Variants in AGAP1 observed in about 807,000 individuals in gnomAD.
AGAP1 encodes the protein ArfGAP with GTPase domain, ankyrin repeat and PH domain 1.
A neutral mutation model predicts 105.3 loss-of-function variants in AGAP1; 29 were observed. The ratio of observed to expected loss-of-function variants is 0.28; its 90% CI spans 0.21 to 0.38. AGAP1 has a LOEUF of 0.38. AGAP1 is among the 10% of genes least tolerant of loss of function. The pLI is 1.00. For synonymous variants in AGAP1, 509 were observed against 485.9 expected (o/e 1.05, Z -0.63); for missense variants, 998 against 1,165.1 (o/e 0.86, Z 2.09).
Position 235,709,015 on chromosome 2 carries a change from C to T in AGAP1, c.164-164C>T, listed in dbSNP as rs116127743. ...TCCCCACTGGCATCTAGCTGAGTGT[C>T]GTGAACTGGGACAAACTGATCTTTC... On this transcript the variant is annotated intron_variant, in intron 1 of 17. Coordinates refer to ENST00000304032, the MANE Select transcript of AGAP1 (RefSeq NM_001037131.3). Among the ~76,000 whole-genome samples the T allele has an allele frequency of 4.1e-3, 628 of 152,282 alleles. 5 individuals carry two copies. Among genetic ancestry groups the T allele is most frequent in the African/African-American group, 0.014 (561 of 41,548 alleles).
intron 9 of AGAP1, among the ~76,000 whole-genome samples, chr2:235,811,686 A>G (rs954497852): frequency 1.3e-5 from 2 of 152,228 alleles, no homozygotes; most frequent in African/African-American, 2.4e-5. Flanking sequence ...ACCTCAGGCC[A>G]TGGGGACGAC....
chr2:236,065,100 ACAG>A (rs1439339294), intron 16 of AGAP1, among the ~76,000 whole-genome samples: 1 of 152,244 alleles, frequency 6.6e-6, no homozygotes, highest in Non-Finnish European at 1.5e-5. Flanking sequence ...ATACAGACAG[ACAG>A]CAGCTTATCG....
Position 235,751,186 on chromosome 2 carries a change from G to A in AGAP1, c.673+698G>A, listed in dbSNP as rs575881307. 1.3e-5 allele frequency among the ~76,000 whole-genome samples: 2 copies of A among 152,274 alleles called. No individual in the cohort carries two copies. Among genetic ancestry groups the A allele is most frequent in the South Asian group, 2.1e-4 (1 of 4,818 alleles). On this transcript the variant is annotated intron_variant, in intron 6 of 17. Coordinates refer to ENST00000304032, the MANE Select transcript of AGAP1 (RefSeq NM_001037131.3). The surrounding 1 kb of genome is among the most constrained non-coding windows in gnomAD (Gnocchi z 5.3). ...GCCTGTGCAGATGCGTGGGGTGGGC[G>A]GGAGAGGTGGCGTCACCCTGGGGAT... is the stretch of plus-strand genomic sequence containing the variant.
intron 12 of AGAP1, among the ~76,000 whole-genome samples, chr2:235,942,632 A>G (rs1036081819): frequency 2.6e-5 from 4 of 151,758 alleles, no homozygotes; most frequent in Non-Finnish European, 5.9e-5. Context: ...AGATCATGCC[A>G]TTGCACTCCA....
At position 235,740,988 on chromosome 2, in the gene AGAP1, C is replaced by A. The variant is rs556163643; in HGVS notation, c.336C>A (p.Val112=). Reference sequence around the variant, plus strand: ...GTGGCAGGTTCAAGAAAGAGATTGTCGTTGATGGACAGAGCTATCTGCTGC... The same window carrying A: ...GTGGCAGGTTCAAGAAAGAGATTGTAGTTGATGGACAGAGCTATCTGCTGC... ...PEGGRFKKEI[V]VDGQSYLLLI... is the part of the protein sequence containing the mutation. Residue 112 remains valine (V), a synonymous_variant, in exon 4 of 18, where the codon GTC becomes GTA. Transcript: ENST00000304032. This position sits in a 1 kb window ranked among gnomAD's most constrained non-coding sequence, Gnocchi z 5.7. 2 of 1,614,154 alleles carry A rather than the reference C, an allele frequency of 1.2e-6. No individual in the cohort carries two copies. Among genetic ancestry groups the A allele is most frequent in the Non-Finnish European group, 1.7e-6 (2 of 1,180,010 alleles).
At position 235,934,530 on chromosome 2, in the gene AGAP1, C is replaced by A. The variant is rs1263247364; in HGVS notation, c.1483+3607C>A. Among the ~76,000 whole-genome samples the A allele has an allele frequency of 6.6e-6, 1 of 152,146 alleles. No individual in the cohort carries two copies. Among genetic ancestry groups the A allele is most frequent in the Admixed American group, 6.5e-5 (1 of 15,276 alleles). ...GATCTGATGGACAACTTCCAGAAAA[C>A]GTGTTTATGAATGGATTTCAAGACT... On this transcript the variant is annotated intron_variant, in intron 12 of 17. Transcript: ENST00000304032. The surrounding 1 kb of genome is among the most constrained non-coding windows in gnomAD (Gnocchi z 4.9).
chr2:235,913,924 C>T (rs918086461), intron 11 of AGAP1, among the ~76,000 whole-genome samples: 4 of 151,942 alleles, frequency 2.6e-5, no homozygotes, highest in Admixed American at 1.3e-4. Context: ...ACTGTTCTTT[C>T]CCAGTTTATT....
rs1268924594 is a variant in AGAP1, at chr2:235,566,668, A to G, written c.163+71819A>G. ...TCCTCATGCCGCAGGACCAGCCGGG[A>G]CCGGGGAGAGGCTGTTCGAGGAACA... is the stretch of plus-strand genomic sequence containing the variant. On this transcript the variant is annotated intron_variant, in intron 1 of 17. Transcript: ENST00000304032. This position sits in a 1 kb window ranked among gnomAD's most constrained non-coding sequence, Gnocchi z 5.2. 6 of 922,978 alleles carry G rather than the reference A, an allele frequency of 6.5e-6. No individual in the cohort carries two copies. The highest frequency in any genetic ancestry group is 7.8e-6 in the Non-Finnish European group (6 of 773,112). The allele number at this position is 922,978 out of a possible 1,614,324, so 57.2% of individuals were successfully genotyped here.
intron 9 of AGAP1, among the ~76,000 whole-genome samples, chr2:235,814,453 A>G (rs1958335072): frequency 6.6e-6 from 1 of 152,214 alleles, no homozygotes; most frequent in African/African-American, 2.4e-5. Context: ...AATCAAAAAG[A>G]TACTTATTTC....
chr2:235,910,286 G>GGGCAGT (rs2051537777), intron 11 of AGAP1, among the ~76,000 whole-genome samples: 2 of 7,690 alleles, frequency 2.6e-4, no homozygotes, highest in Non-Finnish European at 2.2e-4. Flanking sequence ...TGCCTGTGTT[G>GGGCAGT]CAGGGGGGCG....
rs2059477083 is a variant in AGAP1, at chr2:236,105,894, G to T, written c.2115-14298G>T. 6.6e-6 allele frequency among the ~76,000 whole-genome samples: 1 copy of T among 152,180 alleles called. No individual in the cohort carries two copies. The highest frequency in any genetic ancestry group is 2.1e-4 in the South Asian group (1 of 4,818). On this transcript the variant is annotated intron_variant, in intron 16 of 17. Transcript: ENST00000304032. This position sits in a 1 kb window ranked among gnomAD's most constrained non-coding sequence, Gnocchi z 4.2. ...TTACAGGCGTGAGCCATCGTGCCCGGCCCCTCTTGTGCCTCTTCTTATAAG... is the reference window on the plus strand; with the variant it reads ...TTACAGGCGTGAGCCATCGTGCCCGTCCCCTCTTGTGCCTCTTCTTATAAG...
rs1219852071 is a variant in AGAP1, at chr2:236,114,070, TG to T, written c.2115-6119del. Among the ~76,000 whole-genome samples the T allele has an allele frequency of 6.6e-6, 1 of 152,176 alleles. No individual in the cohort carries two copies. The highest frequency in any genetic ancestry group is 1.5e-5 in the Non-Finnish European group (1 of 68,042). Reference sequence around the variant, plus strand: ...GTCAGCACCACATCAAATGAGGAACTGGGCCCCCTCCTTTCTGCTGACGGCC... The same window carrying T: ...GTCAGCACCACATCAAATGAGGAACTGGCCCCCTCCTTTCTGCTGACGGCC... On this transcript the variant is annotated intron_variant, in intron 16 of 17. Coordinates refer to ENST00000304032, the MANE Select transcript of AGAP1 (RefSeq NM_001037131.3). This position sits in a 1 kb window ranked among gnomAD's most constrained non-coding sequence, Gnocchi z 5.0.
chr2:235,720,773 G>A lies in AGAP1; in HGVS notation c.310+3129G>A, dbSNP rs1432594609. Reference sequence around the variant, plus strand: ...GGCTGGGATATGTAGACTGCTGGGAGGGGTGAGGGTGAGGGCCTTCCTGTC... The same window carrying A: ...GGCTGGGATATGTAGACTGCTGGGAAGGGTGAGGGTGAGGGCCTTCCTGTC... On this transcript the variant is annotated intron_variant, in intron 3 of 17. Transcript: ENST00000304032. This position sits in a 1 kb window ranked among gnomAD's most constrained non-coding sequence, Gnocchi z 5.0. 2 of 940,038 alleles carry A rather than the reference G, an allele frequency of 2.1e-6. No homozygotes were observed. The highest frequency in any genetic ancestry group is 2.5e-6 in the Non-Finnish European group (2 of 788,990). 58.2% of individuals were successfully genotyped at this position (940,038 alleles called of 1,614,324 possible).
At chr2:235,940,040 C>T (rs2053188565) in intron 12 of AGAP1, among the ~76,000 whole-genome samples, 1 of 152,134 alleles carries the variant, frequency 6.6e-6, no homozygotes, top group South Asian at 2.1e-4. Flanking sequence ...TGAAGAACTC[C>T]AGCTTTCATC....
intron 1 of AGAP1, among the ~76,000 whole-genome samples, chr2:235,654,995 C>G (rs1367339674): frequency 6.6e-6 from 1 of 151,968 alleles, no homozygotes; most frequent in Non-Finnish European, 1.5e-5. Flanking sequence ...AAATGACTTT[C>G]TGATTGAATC....
At chr2:235,783,588 G>A (rs1032892619) in intron 6 of AGAP1, among the ~76,000 whole-genome samples, 3 of 152,258 alleles carry the variant, frequency 2.0e-5, no homozygotes, top group Admixed American at 6.5e-5. Context: ...TTTTATGGAC[G>A]TACCCACAAA....
At chr2:235,999,254 CAAT>C (rs2055969489) in intron 13 of AGAP1, among the ~76,000 whole-genome samples, 1 of 132,336 alleles carries the variant, frequency 7.6e-6, no homozygotes, top group Admixed American at 7.6e-5. Context: ...GTGGTGGTGA[CAAT>C]GATAGTAGTG....
chr2:235,577,639 T>C lies in AGAP1; in HGVS notation c.163+82790T>C, dbSNP rs1212207935. ...TGGTTCTTCCCCCGGTTATTTTTGT[T>C]TGGGCAGTTAACTCTGAGCATTCGG... On this transcript the variant is annotated intron_variant, in intron 1 of 17. Transcript: ENST00000304032. This position sits in a 1 kb window ranked among gnomAD's most constrained non-coding sequence, Gnocchi z 4.5. Among the ~76,000 whole-genome samples the C allele has an allele frequency of 1.3e-5, 2 of 152,106 alleles. No homozygotes were observed. The highest frequency in any genetic ancestry group is 2.9e-5 in the Non-Finnish European group (2 of 68,020).
At chr2:235,684,415 T>C (rs1949269291) in intron 1 of AGAP1, among the ~76,000 whole-genome samples, 1 of 152,134 alleles carries the variant, frequency 6.6e-6, no homozygotes, top group Non-Finnish European at 1.5e-5. Flanking sequence ...CTAGGCTTCA[T>C]TCTCAGTTTG....
Sources: gnomAD v4.1 joint callset for allele counts (sites outside exome capture counted in the v4.1 genomes callset) on GRCh38, gnomAD v4.1.1 for gene constraint, Gnocchi (gnomAD v3.1) non-coding constraint, MANE v1.5 for transcripts, NCBI Gene and HGNC (gene_info 2026-07-23, HGNC 2026-07-21) for gene names.